Variants in PRKDC observed in about 807,000 individuals in gnomAD.
PRKDC encodes DNA-dependent protein kinase catalytic subunit.
Under a neutral mutation model 486.9 loss-of-function variants are expected in PRKDC, and 82 were observed. That is an observed-to-expected ratio of 0.17 (90% CI 0.14 to 0.20). The LOEUF (loss-of-function observed/expected upper bound fraction) is 0.20, where lower values mean the gene tolerates loss of function less well. Ranked by LOEUF, PRKDC falls within the 10% of genes least tolerant of loss-of-function variation. PRKDC has a pLI of 1.00. For synonymous variants in PRKDC, 1,895 were observed against 1,837.0 expected (o/e 1.03, Z -0.81); for missense variants, 4,504 against 5,038.2 (o/e 0.89, Z 3.21).
At chr8:47,929,052 C>T in intron 19 of PRKDC, 40 bp downstream of exon 19, 1 of 1,327,634 alleles carries the variant, frequency 7.5e-7, no homozygotes, top group South Asian at 1.3e-5. Flanking sequence ...CATTTAAAAA[C>T]AGTTCATGAT....
chr8:47,787,124 T>C (rs1034459431), intron 76 of PRKDC, among the ~76,000 whole-genome samples: 3 of 152,244 alleles, frequency 2.0e-5, no homozygotes, highest in African/African-American at 7.2e-5. Context: ...TTTACTTGAA[T>C]TATAAATCTG....
intron 68 of PRKDC, among the ~76,000 whole-genome samples, chr8:47,816,827 A>G (rs2087457790): frequency 6.6e-6 from 1 of 152,170 alleles, no homozygotes; most frequent in Non-Finnish European, 1.5e-5. Context: ...GTTTAAAAAA[A>G]AAAAAAAAGT....
intron 21 of PRKDC, among the ~76,000 whole-genome samples, chr8:47,922,981 T>G (rs2090096731): frequency 1.3e-5 from 2 of 152,230 alleles, no homozygotes; most frequent in South Asian, 2.1e-4. Context: ...ATGAGTTAAA[T>G]TTTTAGCAAA....
At position 47,864,661 on chromosome 8, in the gene PRKDC, G is replaced by A. The variant is rs1418857770; in HGVS notation, c.5466C>T (p.Arg1822=). The change falls in exon 41 of 86, where the codon CGC becomes CGT. Residue 1822 remains arginine (R), a synonymous_variant. Transcript: ENST00000314191. The stretch of plus-strand genomic sequence containing the variant: ...AGTGCCACAGCAGAGTGAGGAGGGA[G>A]CGGTCCACAAAGGACTGGCGTGTGA... ...LSFTRQSFVD[R]SLLTLLWHCS... 1 of 1,608,844 alleles carries A rather than the reference G, an allele frequency of 6.2e-7. No individual in the cohort carries two copies. Among genetic ancestry groups the A allele is most frequent in the East Asian group, 2.2e-5 (1 of 44,774 alleles).
At chr8:47,892,759 T>C (rs970679431) in intron 31 of PRKDC, among the ~76,000 whole-genome samples, 5 of 152,086 alleles carry the variant, frequency 3.3e-5, no homozygotes, top group Non-Finnish European at 7.4e-5. Flanking sequence ...AGAATATGAA[T>C]TAAGGGACTC....
At chr8:47,937,614 G>A (rs755800791) in intron 11 of PRKDC, among the ~76,000 whole-genome samples, 5 of 152,104 alleles carry the variant, frequency 3.3e-5, no homozygotes, top group African/African-American at 7.2e-5. Context: ...CAGGCTCCCC[G>A]AGGATCTGAT....
chr8:47,916,347 C>T (rs1293987101), intron 22 of PRKDC, among the ~76,000 whole-genome samples: 1 of 152,044 alleles, frequency 6.6e-6, no homozygotes, highest in Admixed American at 6.6e-5. Context: ...CCTCAGAAGG[C>T]TGAGGCAGGA....
chr8:47,919,319 A>G (rs931640430), intron 21 of PRKDC, among the ~76,000 whole-genome samples: 3 of 152,244 alleles, frequency 2.0e-5, no homozygotes, highest in Admixed American at 6.5e-5. Flanking sequence ...CAGTAATTTC[A>G]TACGTGGTCT....
intron 22 of PRKDC, among the ~76,000 whole-genome samples, chr8:47,916,484 A>G (rs995232583): frequency 6.6e-6 from 1 of 152,182 alleles, no homozygotes; most frequent in Non-Finnish European, 1.5e-5. Context: ...ACTTACTGCA[A>G]TAGTTACAAG....
intron 50 of PRKDC, 123 bp from the exon 51 acceptor site, chr8:47,854,337 G>T: frequency 8.9e-7 from 1 of 1,118,682 alleles, no homozygotes; most frequent in East Asian, 2.5e-5. Flanking sequence ...CTGGAGTGCA[G>T]TGGCGTGACT....
chr8:47,885,885 C>G (rs992494831), intron 36 of PRKDC, 59 bp downstream of exon 36: 11 of 1,532,372 alleles, frequency 7.2e-6, no homozygotes, highest in African/African-American at 2.7e-5. Flanking sequence ...GTGCAAGACT[C>G]TGTCTCAAAC....
At chr8:47,871,235 G>C (rs1370805753) in intron 40 of PRKDC, among the ~76,000 whole-genome samples, 1 of 152,112 alleles carries the variant, frequency 6.6e-6, no homozygotes, top group African/African-American at 2.4e-5. Flanking sequence ...GTATAAGAAG[G>C]TTATAGAGCA....
Position 47,777,863 on chromosome 8 carries a change from G to A in PRKDC, c.11865C>T (p.Val3955=), listed in dbSNP as rs761303017. 7 of 1,613,870 alleles carry A rather than the reference G, an allele frequency of 4.3e-6. No homozygotes were observed. Among genetic ancestry groups the A allele is most frequent in the Non-Finnish European group, 5.9e-6 (7 of 1,179,856 alleles). ...AFGSATQFLP[V]PELMPFRLTR... ...TTAGCCGAAAAGGCATCAACTCAGG[G>A]ACTGGCAGAAACTAAACAAGAAAAA... is the stretch of plus-strand genomic sequence containing the variant. Residue 3955 remains valine (V), a synonymous_variant, in exon 84 of 86, where the codon GTC becomes GTT. Transcript: ENST00000314191.
chr8:47,871,748 G>A (rs912045191), intron 40 of PRKDC, among the ~76,000 whole-genome samples: 4 of 152,092 alleles, frequency 2.6e-5, no homozygotes, highest in African/African-American at 9.7e-5. Context: ...ACAGGCACCC[G>A]CCACCACGCC....
chr8:47,861,942 G>T, intron 44 of PRKDC, 120 bp downstream of exon 44: 1 of 758,106 alleles, frequency 1.3e-6, no homozygotes, highest in Non-Finnish European at 2.1e-6. Flanking sequence ...GAAACCACAT[G>T]AAACCACCAG....
Position 47,902,772 on chromosome 8 carries a change from G to C in PRKDC, c.3066C>G (p.Asp1022Glu). 1 of 1,610,536 alleles carries C rather than the reference G, an allele frequency of 6.2e-7. No homozygotes were observed. The change falls in exon 27 of 86, where the codon GAC becomes GAG. Residue 1022 changes from aspartate to glutamate, a missense_variant. By Grantham distance (45) the Asp-to-Glu change is conservative (BLOSUM62 2). Around this residue, in one of 6 missense-constraint regions of PRKDC, gnomAD observed 1,969 missense variants for 2,068.9 expected, o/e 0.95. Coordinates refer to ENST00000314191, the MANE Select transcript of PRKDC (RefSeq NM_006904.7). ...AILDGIVDPV[D>E]STLRDFCGRC... Reference sequence around the variant, plus strand: ...GACCACAAAAATCTCTTAAAGTACTGTCAACAGGGTCCACAATTCCATCCT... The same window carrying C: ...GACCACAAAAATCTCTTAAAGTACTCTCAACAGGGTCCACAATTCCATCCT...
At chr8:47,880,710 T>C (rs1249249403) in intron 38 of PRKDC, among the ~76,000 whole-genome samples, 1 of 152,140 alleles carries the variant, frequency 6.6e-6, no homozygotes, top group African/African-American at 2.4e-5. Context: ...ATAATATGTA[T>C]GCAAACACAA....
intron 62 of PRKDC, among the ~76,000 whole-genome samples, chr8:47,827,668 A>T (rs1410051689): frequency 6.6e-6 from 1 of 152,226 alleles, no homozygotes; most frequent in Non-Finnish European, 1.5e-5. Context: ...TATGACACTT[A>T]ACTACTACCT....
At chr8:47,867,697 T>C (rs918164162) in intron 40 of PRKDC, among the ~76,000 whole-genome samples, 18 of 152,180 alleles carry the variant, frequency 1.2e-4, no homozygotes, top group Admixed American at 1.1e-3. Context: ...AGAAGTTACA[T>C]TAAAATCCTG....
Sources: allele counts gnomAD v4.1 joint callset (sites outside exome capture counted in the v4.1 genomes callset), GRCh38; gene constraint gnomAD v4.1.1; regional missense constraint gnomAD v4.1.1; transcripts MANE v1.5; gene names NCBI Gene and HGNC (gene_info 2026-07-23, HGNC 2026-07-21).